Variants in CTNNAL1 observed in about 807,000 individuals in gnomAD.
CTNNAL1 encodes catenin alpha like 1, also known as alpha-catulin.
A neutral mutation model predicts 93.6 loss-of-function variants in CTNNAL1; 69 were observed. The observed-to-expected ratio is 0.74, with a 90% CI of 0.61 to 0.90. The LOEUF is 0.90. Among genes scored for constraint, CTNNAL1 ranks in the 40% least tolerant of loss-of-function variants. The probability of loss-of-function intolerance (pLI) is 0.00; values close to 1 mark genes in which losing one functional copy is unlikely to be tolerated. For synonymous variants in CTNNAL1, 286 were observed against 305.4 expected, an observed-to-expected ratio of 0.94 and a Z score of 0.66; for missense variants, 836 against 862.0, an observed-to-expected ratio of 0.97 and a Z score of 0.38.
intron 14 of CTNNAL1, 98 bp from the exon 15 acceptor site, chr9:108,948,332 T>C (rs928758963): frequency 2.6e-6 from 3 of 1,172,720 alleles, no homozygotes; most frequent in Non-Finnish European, 3.6e-6. Flanking sequence ...TATTAACAAA[T>C]CCTAAATTTT....
chr9:108,981,658 T>C (rs1344314707), intron 6 of CTNNAL1, among the ~76,000 whole-genome samples: 1 of 152,136 alleles, frequency 6.6e-6, no homozygotes, highest in East Asian at 1.9e-4. Flanking sequence ...GGCGTGGTGG[T>C]TCACGCCTGT....
intron 8 of CTNNAL1, 31 bp from the exon 9 acceptor site, chr9:108,972,864 G>GGGGGGGGCCCCCCCCCCCC: frequency 1.9e-4 from 27 of 142,326 alleles, no homozygotes; most frequent in South Asian, 2.4e-4. Context: ...GGGGGGGTGG[G>GGGGGGGGCCCCCCCCCCCC]AGGGTGGAGA....
Position 108,984,462 on chromosome 9 carries a change from G to C in CTNNAL1, c.640-26C>G, listed in dbSNP as rs566013309. ...CTAAATATGAAATAAAATCACGGAG[G>C]AGTCTAAGACCATGTGAACAACCCA... On this transcript the variant is annotated intron_variant, in intron 4 of 18. Coordinates refer to ENST00000325551, the MANE Select transcript of CTNNAL1 (RefSeq NM_003798.4). 3 of 1,366,136 alleles carry C rather than the reference G, an allele frequency of 2.2e-6. No homozygotes were observed. The African/African-American group carries it at 4.3e-5, about 20-fold the overall frequency. 84.6% of individuals were successfully genotyped at this position (1,366,136 alleles called of 1,614,324 possible). A position where few individuals can be genotyped will look rare whatever the true frequency, so the allele number is the denominator to read the frequency against.
chr9:108,987,661 G>A (rs1831656625), intron 4 of CTNNAL1, among the ~76,000 whole-genome samples: 1 of 152,118 alleles, frequency 6.6e-6, no homozygotes, highest in Admixed American at 6.5e-5. Flanking sequence ...CTACCCATGA[G>A]CATGGAATGT....
chr9:108,991,073 TGAAAAG>T (rs1279246772), intron 3 of CTNNAL1, among the ~76,000 whole-genome samples: 1 of 151,978 alleles, frequency 6.6e-6, no homozygotes. Context: ...TTGAGTTACT[TGAAAAG>T]GAAAAGGAAA....
intron 2 of CTNNAL1, 109 bp from the exon 3 acceptor site, chr9:108,992,928 T>C (rs1831869306): frequency 8.3e-7 from 1 of 1,209,710 alleles, no homozygotes. Context: ...AGCTTTGGAG[T>C]CTTACTTCAG....
intron 1 of CTNNAL1, among the ~76,000 whole-genome samples, chr9:109,006,988 G>A (rs942807777): frequency 6.6e-6 from 1 of 152,184 alleles, no homozygotes; most frequent in East Asian, 1.9e-4. Context: ...GGAGGCCAAG[G>A]CTGGTGGATC....
At position 108,979,341 on chromosome 9, in the gene CTNNAL1, CA is replaced by C. The variant is rs1831356801; in HGVS notation, c.1040del (p.Leu347TrpfsTer14). The C allele has an allele frequency of 6.2e-7, 1 of 1,614,140 alleles. No homozygotes were observed. The highest frequency in any genetic ancestry group is 2.2e-5 in the East Asian group (1 of 44,874). On this transcript the variant is annotated frameshift_variant, in exon 7 of 19. Transcript: ENST00000325551. LOFTEE classifies it high-confidence loss of function. The part of the protein sequence containing the change: ...YTSHEHRERI[L>X]ELSTQARMEL... ...CCATTCTCGCCTGAGTTGACAGTTC[CA>C]AGATGCGTTCTCTGTGCTCATGGCT...
chr9:108,961,038 G>A (rs560526697), intron 11 of CTNNAL1, among the ~76,000 whole-genome samples: 4 of 151,646 alleles, frequency 2.6e-5, no homozygotes, highest in African/African-American at 9.7e-5. Flanking sequence ...ATTGCTTAGC[G>A]TGATGTTTAC....
intron 6 of CTNNAL1, among the ~76,000 whole-genome samples, chr9:108,980,629 G>T (rs970483006): frequency 1.3e-5 from 2 of 152,142 alleles, no homozygotes; most frequent in African/African-American, 4.8e-5. Flanking sequence ...ATCCTAGGTA[G>T]ACAGAAACTT....
chr9:108,950,700 T>C (rs1830537663), intron 14 of CTNNAL1: 2 of 1,425,336 alleles, frequency 1.4e-6, no homozygotes, highest in Middle Eastern at 1.8e-4. Context: ...ATCTTTTCAG[T>C]CTTTCTGGTG....
intron 11 of CTNNAL1, among the ~76,000 whole-genome samples, chr9:108,956,422 T>A (rs1010552704): frequency 6.6e-6 from 1 of 152,212 alleles, no homozygotes; most frequent in Non-Finnish European, 1.5e-5. Context: ...CCATCTATCA[T>A]CTTTACAACT....
At chr9:108,968,549 G>A (rs1322845429) in intron 10 of CTNNAL1, among the ~76,000 whole-genome samples, 3 of 152,212 alleles carry the variant, frequency 2.0e-5, no homozygotes, top group Non-Finnish European at 4.4e-5. Context: ...TTGCAGCCAA[G>A]GCAAGAAAAG....
At chr9:108,998,252 G>A (rs1157067530) in intron 2 of CTNNAL1, among the ~76,000 whole-genome samples, 2 of 152,118 alleles carry the variant, frequency 1.3e-5, no homozygotes, top group East Asian at 1.9e-4. Context: ...TAGTGATGCT[G>A]ATAAACATCC....
In CTNNAL1 at chr9:109,009,188, G is replaced by A. The variant is rs189479167; in HGVS notation, c.141+4114C>T. Among the ~76,000 whole-genome samples the A allele has an allele frequency of 1.3e-3, 199 of 152,090 alleles. 2 individuals carry two copies. Among genetic ancestry groups the A allele is most frequent in the Middle Eastern group, 6.8e-3 (2 of 294 alleles). On this transcript the variant is annotated intron_variant, in intron 1 of 18. Coordinates refer to ENST00000325551, the MANE Select transcript of CTNNAL1 (RefSeq NM_003798.4). ...TGGGACTACAGGTGTGAGCCACTGC[G>A]CCTGGCCTAGGTTCTTCATTTTAAA...
intron 11 of CTNNAL1, among the ~76,000 whole-genome samples, chr9:108,958,084 A>C (rs1310933469): frequency 3.0e-5 from 4 of 134,676 alleles, no homozygotes; most frequent in South Asian, 2.4e-4. Context: ...AAAAAAAAAA[A>C]CAAAGTGGGA....
In CTNNAL1 at chr9:108,943,005, G is replaced by A; in HGVS notation, c.2095C>T (p.Leu699Phe). Residue 699 changes from leucine to phenylalanine, a missense_variant, in exon 18 of 19, where the codon CTC becomes TTC. Leu to Phe is a conservative substitution (Grantham distance 22). Transcript: ENST00000325551. Reference sequence around the variant, plus strand: ...CAAAGTGAAAGAAGTTGGACTAAGAGAGCCATCATGGATCTTGTCTTCGTA... The same window carrying A: ...CAAAGTGAAAGAAGTTGGACTAAGAAAGCCATCATGGATCTTGTCTTCGTA... ...CITKTRSMMALLVQLLSLCYK... is the reference protein window; with the variant it reads ...CITKTRSMMAFLVQLLSLCYK... The A allele has an allele frequency of 6.2e-7, 1 of 1,612,830 alleles. No individual in the cohort carries two copies. The highest frequency in any genetic ancestry group is 1.1e-5 in the South Asian group (1 of 90,546).
At chr9:108,998,951 G>C (rs1832123897) in intron 2 of CTNNAL1, 116 bp downstream of exon 2, 1 of 1,251,540 alleles carries the variant, frequency 8.0e-7, no homozygotes, top group Admixed American at 3.2e-5. Flanking sequence ...TTTAATGTCT[G>C]AGGCAGACAT....
At chr9:108,987,637 G>A (rs1323789750) in intron 4 of CTNNAL1, among the ~76,000 whole-genome samples, 2 of 152,108 alleles carry the variant, frequency 1.3e-5, no homozygotes, top group Non-Finnish European at 1.5e-5. Flanking sequence ...CCATTTTCAA[G>A]ATATTGATTC....
Sources: gnomAD v4.1 joint callset for allele counts (sites outside exome capture counted in the v4.1 genomes callset) on GRCh38, gnomAD v4.1.1 for gene constraint, MANE v1.5 for transcripts, NCBI Gene and HGNC (gene_info 2026-07-23, HGNC 2026-07-21) for gene names.